GFI1B: variants seen among roughly 807,000 people sequenced by gnomAD.
The protein encoded by GFI1B is zinc finger protein Gfi-1b.
In GFI1B, 20 loss-of-function variants were observed where a neutral mutation model predicts 35.3. The ratio of observed to expected loss-of-function variants is 0.57; its 90% CI spans 0.40 to 0.82. GFI1B has a LOEUF of 0.82. Ranked by LOEUF, GFI1B falls within the 40% of genes least tolerant of loss-of-function variation. The pLI is 0.00. For synonymous variants in GFI1B, 178 were observed against 177.6 expected (o/e 1.00, Z -0.02); for missense variants, 430 against 446.3 (o/e 0.96, Z 0.33).
chr9:132,959,028 C>G lies in GFI1B; in HGVS notation c.-701+13359C>G, dbSNP rs373528555. ...AAGATGTGTGGTCCTGGGTGAGTCT[C>G]CAAGCCTCAGTTTCTCTGTCTGTAA... is the stretch of plus-strand genomic sequence containing the variant. On this transcript the variant is annotated intron_variant, in intron 1 of 10. Transcript: ENST00000339463. Among the ~76,000 whole-genome samples, 291 of 152,242 alleles carry G rather than the reference C, an allele frequency of 1.9e-3. 9 individuals carry two copies. The South Asian group carries it at 0.057, about 30-fold the overall frequency.
At chr9:132,990,374 T>TTCATTCATTTGTTCACTCATTTGC (rs1849253180) in intron 6 of GFI1B, among the ~76,000 whole-genome samples, 1 of 152,210 alleles carries the variant, frequency 6.6e-6, no homozygotes, top group Non-Finnish European at 1.5e-5. Context: ...TGTTCACTCA[T>TTCATTCATTTGTTCACTCATTTGC]TCATTCATTT....
intron 1 of GFI1B, among the ~76,000 whole-genome samples, chr9:132,954,536 C>T (rs556846869): frequency 4.0e-5 from 6 of 148,912 alleles, no homozygotes; most frequent in Non-Finnish European, 8.9e-5. Flanking sequence ...GATCATGCCA[C>T]TGCACTCCAG....
At chr9:132,952,130 T>G (rs1345137318) in intron 1 of GFI1B, 1 of 152,158 alleles carries the variant, frequency 6.6e-6, no homozygotes, top group Non-Finnish European at 1.5e-5. Flanking sequence ...TTTGTGTGTT[T>G]TTTTAAAATT....
chr9:132,981,231 T>C (rs1848810029), intron 1 of GFI1B, among the ~76,000 whole-genome samples: 1 of 152,182 alleles, frequency 6.6e-6, no homozygotes, highest in Non-Finnish European at 1.5e-5. Flanking sequence ...TCATCTGCCA[T>C]GAAACCTGGG....
intron 1 of GFI1B, among the ~76,000 whole-genome samples, chr9:132,971,380 C>T (rs1363540737): frequency 1.3e-5 from 2 of 152,254 alleles, no homozygotes; most frequent in African/African-American, 2.4e-5. Context: ...CCAGCCATCT[C>T]GAGAAGTGGA....
At position 132,988,309 on chromosome 9, in the gene GFI1B, C is replaced by T. The variant is rs997110481; in HGVS notation, c.351C>T (p.His117=). The part of the protein sequence containing the change: ...SWDTLATTYG[H]SYRQAPSTMQ... Reference sequence around the variant, plus strand: ...ACACCTTGGCCACAACCTATGGCCACAGCTACCGGCAGGCCCCCTCCACCA... The same window carrying T: ...ACACCTTGGCCACAACCTATGGCCATAGCTACCGGCAGGCCCCCTCCACCA... The change falls in exon 4 of 7, where the codon CAC becomes CAT. Residue 117 remains histidine (H), a synonymous_variant. Coordinates refer to ENST00000372122, the MANE Select transcript of GFI1B (RefSeq NM_001377304.1). 3.1e-6 allele frequency: 5 copies of T among 1,614,158 alleles called. No homozygotes were observed. Among genetic ancestry groups the T allele is most frequent in the African/African-American group, 1.3e-5 (1 of 75,066 alleles).
At chr9:132,956,715 G>A (rs1255754446) in intron 1 of GFI1B, among the ~76,000 whole-genome samples, 3 of 152,206 alleles carry the variant, frequency 2.0e-5, no homozygotes, top group Non-Finnish European at 4.4e-5. Context: ...GAAATGTAGA[G>A]TTATTAGAAA....
At chr9:132,964,653 C>G (rs1389639376) in intron 1 of GFI1B, among the ~76,000 whole-genome samples, 1 of 152,104 alleles carries the variant, frequency 6.6e-6, no homozygotes, top group African/African-American at 2.4e-5. Context: ...AGGACATCTG[C>G]CCAGCAACTG....
chr9:132,965,339 C>T (rs1848434477), intron 1 of GFI1B, among the ~76,000 whole-genome samples: 1 of 152,090 alleles, frequency 6.6e-6, no homozygotes, highest in East Asian at 1.9e-4. Flanking sequence ...AGGACATGCT[C>T]GAAGATTGAT....
At chr9:132,950,822 TTTG>T (rs1279494135) in intron 1 of GFI1B, among the ~76,000 whole-genome samples, 3 of 146,464 alleles carry the variant, frequency 2.0e-5, no homozygotes, top group Non-Finnish European at 4.5e-5. Flanking sequence ...TATGGGGTTT[TTTG>T]TTGTTGTTGT....
rs1044158296 is a variant in GFI1B at position 132,986,817 on chromosome 9, G to T, written c.100+39G>T. On this transcript the variant is annotated intron_variant, in intron 2 of 6. Coordinates refer to ENST00000372122, the MANE Select transcript of GFI1B (RefSeq NM_001377304.1). ...CGGGCTGGCGCCTGCTGCACCCACG[G>T]GGGGCTCTCTGCTCTGCGTGATGAG... is the stretch of plus-strand genomic sequence containing the variant. The T allele has an allele frequency of 6.3e-6, 8 of 1,261,144 alleles. No individual in the cohort carries two copies. The African/African-American group carries it at 1.2e-4, about 19-fold the overall frequency. 78.1% of individuals were successfully genotyped at this position (1,261,144 alleles called of 1,614,324 possible).
intron 1 of GFI1B, among the ~76,000 whole-genome samples, chr9:132,984,169 A>G (rs1848936745): frequency 6.6e-6 from 1 of 152,192 alleles, no homozygotes; most frequent in Non-Finnish European, 1.5e-5. Flanking sequence ...CATGACCCTC[A>G]CAGGCCCCCT....
intron 1 of GFI1B, among the ~76,000 whole-genome samples, chr9:132,965,292 G>T (rs887670926): frequency 6.6e-6 from 1 of 152,192 alleles, no homozygotes; most frequent in Non-Finnish European, 1.5e-5. Context: ...TGCAGCAGGG[G>T]AAGTACAAGT....
intron 1 of GFI1B, among the ~76,000 whole-genome samples, chr9:132,960,124 AGGAGAAAGAC>A (rs1290774760): frequency 6.6e-6 from 1 of 152,214 alleles, no homozygotes; most frequent in Non-Finnish European, 1.5e-5. Flanking sequence ...AAAGTGCTGC[AGGAGAAAGAC>A]GTCAAAATTA....
At chr9:132,984,464 G>A (rs1848954939) in intron 1 of GFI1B, among the ~76,000 whole-genome samples, 1 of 152,192 alleles carries the variant, frequency 6.6e-6, no homozygotes, top group Non-Finnish European at 1.5e-5. Context: ...GGCCTTCAAG[G>A]TCCTTTCTCC....
At chr9:132,985,578 A>T (rs912290663) in intron 1 of GFI1B, among the ~76,000 whole-genome samples, 5 of 152,130 alleles carry the variant, frequency 3.3e-5, no homozygotes, top group African/African-American at 4.8e-5. Flanking sequence ...GCTGTGGACA[A>T]GGCGCAGCCG....
intron 1 of GFI1B, among the ~76,000 whole-genome samples, chr9:132,971,687 C>T (rs1172512909): frequency 6.6e-6 from 1 of 152,106 alleles, no homozygotes; most frequent in Non-Finnish European, 1.5e-5. Flanking sequence ...AAAAACGTTA[C>T]TGTTGGCCGG....
chr9:132,961,044 A>G (rs922107288), intron 1 of GFI1B, among the ~76,000 whole-genome samples: 4 of 152,110 alleles, frequency 2.6e-5, no homozygotes, highest in African/African-American at 9.7e-5. Flanking sequence ...TGCAGTGACC[A>G]TTTGGAAAAA....
At chr9:132,985,567 G>T (rs540442504) in intron 1 of GFI1B, among the ~76,000 whole-genome samples, 6 of 152,290 alleles carry the variant, frequency 3.9e-5, no homozygotes, top group African/African-American at 1.4e-4. Flanking sequence ...TCTGGGCCAG[G>T]GCTGTGGACA....
Sources: allele counts gnomAD v4.1 joint callset (sites outside exome capture counted in the v4.1 genomes callset), GRCh38; gene constraint gnomAD v4.1.1; transcripts MANE v1.5; gene names NCBI Gene and HGNC (gene_info 2026-07-23, HGNC 2026-07-21).